The following RAB38 variants were observed in gnomAD, a reference collection of about 807,000 sequenced individuals.
RAB38 encodes the protein RAB38, member RAS oncogene family.
RAB38 carries 15 observed loss-of-function variants against 18.4 expected under a neutral mutation model. The ratio of observed to expected loss-of-function variants is 0.82; its 90% CI spans 0.55 to 1.26. The LOEUF is 1.26. Ranked by LOEUF, RAB38 falls within the 50% of genes most tolerant of loss-of-function variation. The pLI is 0.00. For synonymous variants in RAB38, 101 were observed against 104.4 expected, an observed-to-expected ratio of 0.97 and a Z score of 0.20; for missense variants, 294 against 267.4, an observed-to-expected ratio of 1.10 and a Z score of -0.69.
chr11:87,967,740 A>G, the RAB38 span, among the ~76,000 whole-genome samples: 1 of 152,212 alleles, frequency 6.6e-6, no homozygotes, highest in South Asian at 2.1e-4. Flanking sequence ...ATTTCACTGG[A>G]AAGCTAAGAA....
the RAB38 span, among the ~76,000 whole-genome samples, chr11:88,008,701 T>TCTCG: frequency 0.019 from 2,921 of 152,262 alleles, 90 homozygotes; most frequent in African/African-American, 0.067. Context: ...TGAGATGGAG[T>TCTCG]CTCGCTCTGT....
the RAB38 span, among the ~76,000 whole-genome samples, chr11:87,907,578 C>A: frequency 7.6e-3 from 1,149 of 151,176 alleles, 13 homozygotes; most frequent in African/African-American, 0.027. Context: ...TTTACTTTTT[C>A]TGTTCTTTCT....
intron 1 of RAB38, among the ~76,000 whole-genome samples, chr11:88,170,087 A>C (rs905707857): frequency 6.6e-6 from 1 of 152,154 alleles, no homozygotes; most frequent in African/African-American, 2.4e-5. Flanking sequence ...TTCTATCAGA[A>C]TCAGTCCTCT....
the RAB38 span, among the ~76,000 whole-genome samples, chr11:87,864,339 T>A: frequency 2.3e-4 from 34 of 150,158 alleles, 1 homozygote; most frequent in South Asian, 8.3e-4. Context: ...ATATGTTATA[T>A]ATTATATCAT....
chr11:87,950,683 T>C, the RAB38 span, among the ~76,000 whole-genome samples: 2 of 152,148 alleles, frequency 1.3e-5, no homozygotes, highest in East Asian at 3.8e-4. Context: ...GGGTTGAAAA[T>C]TCTTTTCTTT....
At chr11:87,953,051 G>A in the RAB38 span, among the ~76,000 whole-genome samples, 1 of 150,376 alleles carries the variant, frequency 6.6e-6, no homozygotes, top group Non-Finnish European at 1.5e-5. Flanking sequence ...TGATCATTAT[G>A]TAAATATGTC....
At chr11:88,040,698 G>A in the RAB38 span, among the ~76,000 whole-genome samples, 4 of 149,738 alleles carry the variant, frequency 2.7e-5, no homozygotes, top group Non-Finnish European at 3.0e-5. Flanking sequence ...GGGAGACCCT[G>A]TCTCAAACAA....
At chr11:87,882,922 C>T in the RAB38 span, among the ~76,000 whole-genome samples, 1 of 151,834 alleles carries the variant, frequency 6.6e-6, no homozygotes, top group Non-Finnish European at 1.5e-5. Flanking sequence ...ACCATGTTTT[C>T]CCCATTTTTA....
At chr11:88,085,270 T>A in the RAB38 span, among the ~76,000 whole-genome samples, 1 of 151,814 alleles carries the variant, frequency 6.6e-6, no homozygotes, top group Admixed American at 6.6e-5. Context: ...TCTGGTCAAA[T>A]CCAACTGACA....
chr11:88,025,063 A>G, the RAB38 span, among the ~76,000 whole-genome samples: 2 of 152,072 alleles, frequency 1.3e-5, no homozygotes, highest in Admixed American at 1.3e-4. Context: ...CAGGGGATGA[A>G]TATCCAATTT....
chr11:87,949,228 TG>T, the RAB38 span, among the ~76,000 whole-genome samples: 1 of 152,222 alleles, frequency 6.6e-6, no homozygotes, highest in African/African-American at 2.4e-5. Context: ...GTGGGATAGG[TG>T]GTGATAGCCC....
chr11:88,149,601 T>A (rs1057178038), intron 2 of RAB38, 74 bp downstream of exon 2: 1 of 1,462,240 alleles, frequency 6.8e-7, no homozygotes, highest in Admixed American at 2.0e-5. Flanking sequence ...ATCATTATGA[T>A]GATGGTGATG....
the RAB38 span, among the ~76,000 whole-genome samples, chr11:87,823,435 A>C: frequency 7.6e-3 from 1,154 of 152,140 alleles, 22 homozygotes; most frequent in African/African-American, 0.026. Context: ...ATATATGAAA[A>C]TTCAATGGAT....
the RAB38 span, among the ~76,000 whole-genome samples, chr11:88,026,510 C>T: frequency 2.8e-5 from 4 of 143,790 alleles, no homozygotes; most frequent in Admixed American, 2.2e-4. Context: ...TTGCAGTGAG[C>T]CAAGATCGCT....
chr11:87,859,758 GCTTA>G, the RAB38 span, among the ~76,000 whole-genome samples: 3 of 151,966 alleles, frequency 2.0e-5, no homozygotes, highest in Admixed American at 6.6e-5. Context: ...GGTCAACAGG[GCTTA>G]CTTCTTTTTC....
the RAB38 span, among the ~76,000 whole-genome samples, chr11:87,929,211 C>T: frequency 6.6e-6 from 1 of 152,034 alleles, no homozygotes; most frequent in Non-Finnish European, 1.5e-5. Context: ...AGGCTTCCTT[C>T]CTGATCTTTT....
the RAB38 span, among the ~76,000 whole-genome samples, chr11:87,836,021 A>T: frequency 2.0e-5 from 3 of 152,190 alleles, no homozygotes; most frequent in African/African-American, 7.2e-5. Flanking sequence ...TTCTTCAACA[A>T]GTCTCAAAAT....
At chr11:88,156,441 T>C (rs1943126109) in intron 1 of RAB38, among the ~76,000 whole-genome samples, 1 of 152,178 alleles carries the variant, frequency 6.6e-6, no homozygotes, top group African/African-American at 2.4e-5. Flanking sequence ...CAGTGGCTCA[T>C]GCCTGTAACC....
chr11:88,021,139 AC>A, the RAB38 span, among the ~76,000 whole-genome samples: 2 of 152,162 alleles, frequency 1.3e-5, no homozygotes, highest in African/African-American at 4.8e-5. Flanking sequence ...AGAAAGTAAT[AC>A]AAAAGATCAA....
Sources: allele counts gnomAD v4.1 joint callset (sites outside exome capture counted in the v4.1 genomes callset), GRCh38; gene constraint gnomAD v4.1.1; transcripts MANE v1.5; gene names NCBI Gene and HGNC (gene_info 2026-07-23, HGNC 2026-07-21).